The following DNER variants were observed in gnomAD, a reference collection of about 807,000 sequenced individuals.
DNER encodes the protein delta/notch like EGF repeat containing, also known as delta and Notch-like epidermal growth factor-related receptor.
Under a neutral mutation model 78.2 loss-of-function variants are expected in DNER, and 33 were observed. The observed-to-expected ratio is 0.42, with a 90% CI of 0.32 to 0.56. DNER has a LOEUF of 0.56. Ranked by LOEUF, DNER falls within the 20% of genes least tolerant of loss-of-function variation. The pLI, the probability that DNER is intolerant of heterozygous loss-of-function variation, is 0.11. For synonymous variants in DNER, 417 were observed against 384.8 expected (o/e 1.08, Z -0.98); for missense variants, 918 against 975.3 (o/e 0.94, Z 0.78).
rs771341328 is a variant in DNER, at chr2:229,366,867, G to A, written c.2102+6C>T. On this transcript the variant is annotated splice_donor_region_variant and intron_variant, in intron 12 of 12. Coordinates refer to ENST00000341772, the MANE Select transcript of DNER (RefSeq NM_139072.4). ...CAGCATTCCCCACGCCGCCCCCACA[G>A]CCAACCTGGCATGCCGGATGGATGC... 8.1e-5 allele frequency: 130 copies of A among 1,613,814 alleles called. No homozygotes were observed. Among genetic ancestry groups the A allele is most frequent in the Admixed American group, 2.0e-4 (12 of 59,996 alleles).
intron 1 of DNER, among the ~76,000 whole-genome samples, chr2:229,644,503 C>A (rs762216873): frequency 2.0e-5 from 3 of 152,036 alleles, no homozygotes; most frequent in Non-Finnish European, 4.4e-5. Flanking sequence ...CCTACCACCA[C>A]GCCAAGCTAA....
chr2:229,658,369 T>A lies in DNER; in HGVS notation c.276+55779A>T, dbSNP rs77429429. Among the ~76,000 whole-genome samples the A allele has an allele frequency of 7.4e-4, 113 of 152,318 alleles. 4 individuals carry two copies. In the East Asian group the frequency reaches 0.02, roughly 27 times the overall value. On this transcript the variant is annotated intron_variant, in intron 1 of 12. Transcript: ENST00000341772. ...GTTGACGATGCAAGTTGCCCAAGTG[T>A]TAATGAACATGTCCTTCCTGCTCAA...
At chr2:229,593,072 A>G (rs1237889310) in intron 1 of DNER, among the ~76,000 whole-genome samples, 1 of 152,260 alleles carries the variant, frequency 6.6e-6, no homozygotes, top group Non-Finnish European at 1.5e-5. Context: ...ATTCTATGCT[A>G]TCACTTGGCA....
chr2:229,553,065 A>T (rs1191826658), intron 4 of DNER, among the ~76,000 whole-genome samples: 1 of 152,168 alleles, frequency 6.6e-6, no homozygotes. Context: ...GGTGAGGGAG[A>T]GTAGATACCC....
chr2:229,629,533 G>A (rs904238752), intron 1 of DNER, among the ~76,000 whole-genome samples: 1 of 152,188 alleles, frequency 6.6e-6, no homozygotes, highest in Non-Finnish European at 1.5e-5. Context: ...GCCAGTTTGA[G>A]TGAGTCAGCC....
intron 6 of DNER, among the ~76,000 whole-genome samples, chr2:229,486,221 A>G (rs1416010483): frequency 6.6e-6 from 1 of 152,234 alleles, no homozygotes; most frequent in African/African-American, 2.4e-5. Flanking sequence ...ACAGAAAAAA[A>G]CTAGTAAGAT....
At chr2:229,660,510 C>A (rs968611866) in intron 1 of DNER, among the ~76,000 whole-genome samples, 1 of 152,070 alleles carries the variant, frequency 6.6e-6, no homozygotes, top group Non-Finnish European at 1.5e-5. Context: ...ATTCTCTTTA[C>A]CCAGTGACTG....
intron 9 of DNER, among the ~76,000 whole-genome samples, chr2:229,416,722 T>C (rs544771909): frequency 6.6e-6 from 1 of 152,332 alleles, no homozygotes; most frequent in Admixed American, 6.5e-5. Context: ...TCCCCTGTTC[T>C]TGTGGTTAAG....
chr2:229,593,187 G>T (rs1697639788), intron 1 of DNER, among the ~76,000 whole-genome samples: 1 of 152,168 alleles, frequency 6.6e-6, no homozygotes, highest in South Asian at 2.1e-4. Context: ...TCAACTCAAA[G>T]TAAAATCCAA....
intron 6 of DNER, among the ~76,000 whole-genome samples, chr2:229,483,174 C>T (rs1255214965): frequency 6.6e-6 from 1 of 152,160 alleles, no homozygotes; most frequent in Non-Finnish European, 1.5e-5. Flanking sequence ...ATGCCCAGGA[C>T]TCCTGAGACA....
chr2:229,489,136 G>C (rs75748570), intron 6 of DNER, among the ~76,000 whole-genome samples: 2 of 152,186 alleles, frequency 1.3e-5, no homozygotes, highest in South Asian at 2.1e-4. Context: ...TGGGCTTTGC[G>C]GTCAGCCAGG....
At chr2:229,623,296 A>T (rs541101467) in intron 1 of DNER, among the ~76,000 whole-genome samples, 1 of 152,248 alleles carries the variant, frequency 6.6e-6, no homozygotes, top group South Asian at 2.1e-4. Context: ...GTTAAGAACC[A>T]GTGCTCCTCA....
chr2:229,672,930 A>T (rs1388820334), intron 1 of DNER, among the ~76,000 whole-genome samples: 4 of 152,176 alleles, frequency 2.6e-5, no homozygotes, highest in African/African-American at 9.7e-5. Context: ...ACCAACTAAT[A>T]GTTCTAGGCA....
intron 8 of DNER, among the ~76,000 whole-genome samples, chr2:229,434,601 T>C (rs1443865205): frequency 1.3e-5 from 2 of 152,216 alleles, no homozygotes; most frequent in African/African-American, 4.8e-5. Flanking sequence ...CAGCATTTGT[T>C]CATTTAAGAG....
chr2:229,613,818 G>T (rs1698096427), intron 1 of DNER, among the ~76,000 whole-genome samples: 1 of 152,058 alleles, frequency 6.6e-6, no homozygotes, highest in Non-Finnish European at 1.5e-5. Context: ...ACTACATAGA[G>T]TATCAAGCCC....
chr2:229,472,709 A>G (rs558891504), intron 7 of DNER, among the ~76,000 whole-genome samples: 83 of 152,346 alleles, frequency 5.4e-4, no homozygotes, highest in Admixed American at 1.4e-3. Flanking sequence ...CTAAGTGCTT[A>G]TCTTTGTCTT....
chr2:229,442,216 A>G (rs1694249824), intron 8 of DNER, among the ~76,000 whole-genome samples: 1 of 152,180 alleles, frequency 6.6e-6, no homozygotes, highest in Non-Finnish European at 1.5e-5. Flanking sequence ...AGCATGTTAA[A>G]TATAAGAATG....
chr2:229,564,204 TATC>T (rs1697047306), intron 4 of DNER, among the ~76,000 whole-genome samples: 1 of 71,810 alleles, frequency 1.4e-5, no homozygotes, highest in Non-Finnish European at 2.7e-5. Context: ...ACCCCACCAC[TATC>T]ATCATCATCC....
chr2:229,450,585 G>A (rs1337205403), intron 7 of DNER, among the ~76,000 whole-genome samples: 1 of 152,178 alleles, frequency 6.6e-6, no homozygotes, highest in Non-Finnish European at 1.5e-5. Context: ...TTAAAGAGGT[G>A]AGTCAGTTAA....
Sources: allele counts gnomAD v4.1 joint callset (sites outside exome capture counted in the v4.1 genomes callset), GRCh38; gene constraint gnomAD v4.1.1; transcripts MANE v1.5; gene names NCBI Gene and HGNC (gene_info 2026-07-23, HGNC 2026-07-21).